The following CCSER1 variants were observed in gnomAD, a reference collection of about 807,000 sequenced individuals.
CCSER1 encodes coiled-coil serine rich protein 1, also known as serine-rich coiled-coil domain-containing protein 1.
A neutral mutation model predicts 82.0 loss-of-function variants in CCSER1; 41 were observed. The ratio of observed to expected loss-of-function variants is 0.50; its 90% CI spans 0.39 to 0.65. The LOEUF (loss-of-function observed/expected upper bound fraction) is 0.65, where lower values mean the gene tolerates loss of function less well. CCSER1 is among the 30% of genes least tolerant of loss of function. CCSER1 has a pLI of 0.00. For missense variants in CCSER1, 1,119 were observed against 1,064.2 expected (o/e 1.05, Z -0.72); for synonymous variants, 414 against 383.9 (o/e 1.08, Z -0.92).
intron 10 of CCSER1, among the ~76,000 whole-genome samples, chr4:91,405,387 A>G (rs569068974): frequency 2.0e-5 from 3 of 152,198 alleles, no homozygotes; most frequent in Non-Finnish European, 4.4e-5. Context: ...ACCATTCAAG[A>G]CACAGGCATG....
chr4:90,282,016 C>T (rs1425554755), intron 1 of CCSER1, among the ~76,000 whole-genome samples: 1 of 152,034 alleles, frequency 6.6e-6, no homozygotes, highest in Non-Finnish European at 1.5e-5. Flanking sequence ...CTAAGGATGA[C>T]TGAGCAAAGC....
intron 5 of CCSER1, among the ~76,000 whole-genome samples, chr4:90,486,674 C>G (rs1029367025): frequency 3.9e-5 from 6 of 152,102 alleles, no homozygotes; most frequent in Non-Finnish European, 8.8e-5. Flanking sequence ...GGAAGTCAGC[C>G]AAGGGCTTCC....
chr4:90,377,015 G>T (rs145324706), intron 3 of CCSER1, among the ~76,000 whole-genome samples: 11 of 152,260 alleles, frequency 7.2e-5, no homozygotes, highest in African/African-American at 2.4e-4. Flanking sequence ...CAGAGCATGT[G>T]CAAGTATCAT....
At chr4:90,720,007 G>T (rs1167620963) in intron 6 of CCSER1, among the ~76,000 whole-genome samples, 1 of 152,006 alleles carries the variant, frequency 6.6e-6, no homozygotes, top group Non-Finnish European at 1.5e-5. Context: ...CTCTTCTCCC[G>T]ATTTATTTGC....
At chr4:91,572,430 C>T (rs542566451) in intron 10 of CCSER1, among the ~76,000 whole-genome samples, 3 of 152,200 alleles carry the variant, frequency 2.0e-5, no homozygotes, top group African/African-American at 7.2e-5. Flanking sequence ...AAAAATCAGT[C>T]TGGCCACTGC....
chr4:90,299,529 T>C (rs1324139701), intron 1 of CCSER1, among the ~76,000 whole-genome samples: 1 of 152,174 alleles, frequency 6.6e-6, no homozygotes, highest in African/African-American at 2.4e-5. Flanking sequence ...TTTCTGTGAC[T>C]GATCATCCAC....
intron 9 of CCSER1, among the ~76,000 whole-genome samples, chr4:91,054,431 G>A (rs1743264402): frequency 6.6e-6 from 1 of 151,782 alleles, no homozygotes; most frequent in Non-Finnish European, 1.5e-5. Context: ...TATCCTCTTG[G>A]TTTATTGAGC....
intron 10 of CCSER1, among the ~76,000 whole-genome samples, chr4:91,116,790 C>T (rs1726657285): frequency 6.6e-6 from 1 of 152,098 alleles, no homozygotes; most frequent in South Asian, 2.1e-4. Context: ...TTTTTTACTT[C>T]AACCTGCATG....
chr4:91,049,679 C>A (rs958016569), intron 9 of CCSER1, among the ~76,000 whole-genome samples: 1 of 152,170 alleles, frequency 6.6e-6, no homozygotes, highest in Admixed American at 6.5e-5. Flanking sequence ...GTAATCACAT[C>A]TCTGCACAAA....
intron 8 of CCSER1, among the ~76,000 whole-genome samples, chr4:90,904,691 T>C (rs1312073123): frequency 6.6e-6 from 1 of 152,106 alleles, no homozygotes; most frequent in Non-Finnish European, 1.5e-5. Context: ...AAAAGTAGCA[T>C]GTTTGCAACC....
chr4:90,278,652 C>G (rs1368562639), intron 1 of CCSER1, among the ~76,000 whole-genome samples: 2 of 151,228 alleles, frequency 1.3e-5, no homozygotes, highest in East Asian at 2.0e-4. Context: ...AAGATGGGAA[C>G]AATAGACATT....
intron 10 of CCSER1, among the ~76,000 whole-genome samples, chr4:91,126,323 C>A (rs1439896606): frequency 2.6e-5 from 4 of 151,790 alleles, no homozygotes; most frequent in Non-Finnish European, 5.9e-5. Flanking sequence ...CCTCAACAAA[C>A]AAGGCAAACT....
At chr4:91,339,971 G>A (rs1166676753) in intron 10 of CCSER1, among the ~76,000 whole-genome samples, 2 of 151,942 alleles carry the variant, frequency 1.3e-5, no homozygotes, top group Non-Finnish European at 2.9e-5. Flanking sequence ...ACAAAAATTA[G>A]CCAGGAGTGG....
At position 91,355,223 on chromosome 4, in the gene CCSER1, C is replaced by CT. The variant is rs1372321215; in HGVS notation, c.2218-243341dup. Among the ~76,000 whole-genome samples, 7 of 151,044 alleles carry CT rather than the reference C, an allele frequency of 4.6e-5. No homozygotes were observed. The East Asian group carries it at 9.8e-4, about 21-fold the overall frequency. On this transcript the variant is annotated intron_variant, in intron 10 of 10. Transcript: ENST00000509176. ...ATACTTTTTTTTTTTAACTGTTTAA[C>CT]TTTTTTTTAGTTTACAGAACGGCAT...
intron 3 of CCSER1, among the ~76,000 whole-genome samples, chr4:90,379,188 C>T (rs1042806709): frequency 6.6e-6 from 1 of 152,170 alleles, no homozygotes; most frequent in African/African-American, 2.4e-5. Context: ...CTCTTCAGGA[C>T]TGCTCTCTTC....
rs138036322 is a variant in CCSER1, at chr4:91,384,282, T to C, written c.2218-214290T>C. 6.9e-3 allele frequency among the ~76,000 whole-genome samples: 1,056 copies of C among 152,198 alleles called. 8 individuals carry two copies. The highest frequency in any genetic ancestry group is 0.024 in the African/African-American group (994 of 41,542). ...TGAGTGAATCCATGGTTGACAAAAATGTATTGCAGATAAATAAGTTTACAT... is the reference window on the plus strand; with the variant it reads ...TGAGTGAATCCATGGTTGACAAAAACGTATTGCAGATAAATAAGTTTACAT... On this transcript the variant is annotated intron_variant, in intron 10 of 10. Coordinates refer to ENST00000509176, the MANE Select transcript of CCSER1 (RefSeq NM_001145065.2).
intron 3 of CCSER1, among the ~76,000 whole-genome samples, chr4:90,375,239 C>T (rs1748120808): frequency 6.6e-6 from 1 of 152,170 alleles, no homozygotes; most frequent in Non-Finnish European, 1.5e-5. Flanking sequence ...CTAGGTCCTC[C>T]TGGAATAGTC....
At chr4:91,370,606 G>T (rs1255634744) in intron 10 of CCSER1, among the ~76,000 whole-genome samples, 1 of 151,748 alleles carries the variant, frequency 6.6e-6, no homozygotes, top group Non-Finnish European at 1.5e-5. Flanking sequence ...TGAGGCAGGA[G>T]AATTGCTTTA....
intron 1 of CCSER1, among the ~76,000 whole-genome samples, chr4:90,151,875 T>C (rs1357889878): frequency 1.3e-5 from 2 of 152,112 alleles, no homozygotes; most frequent in Non-Finnish European, 2.9e-5. Flanking sequence ...GGGCTTGCAG[T>C]CTAAGGAAGT....
Sources: allele counts gnomAD v4.1 joint callset (sites outside exome capture counted in the v4.1 genomes callset), GRCh38; gene constraint gnomAD v4.1.1; transcripts MANE v1.5; gene names NCBI Gene and HGNC (gene_info 2026-07-23, HGNC 2026-07-21).